DYM: variants seen among roughly 807,000 people sequenced by gnomAD.
DYM encodes the protein dyggve-Melchior-Clausen syndrome protein.
Under a neutral mutation model 93.1 loss-of-function variants are expected in DYM, and 78 were observed. That is an observed-to-expected ratio of 0.84 (90% CI 0.70 to 1.01). DYM has a LOEUF of 1.01. Among genes scored for constraint, DYM ranks in the 50% least tolerant of loss-of-function variants. The pLI, the probability that DYM is intolerant of heterozygous loss-of-function variation, is 0.00. For missense variants in DYM, 789 were observed against 845.0 expected, an observed-to-expected ratio of 0.93 and a Z score of 0.82; for synonymous variants, 321 against 319.7, an observed-to-expected ratio of 1.00 and a Z score of -0.04.
At chr18:49,058,617 T>C (rs2075701249) in intron 17 of DYM, among the ~76,000 whole-genome samples, 1 of 152,082 alleles carries the variant, frequency 6.6e-6, no homozygotes, top group African/African-American at 2.4e-5. Flanking sequence ...CTGACACAAA[T>C]TTACATATTT....
intron 14 of DYM, among the ~76,000 whole-genome samples, chr18:49,176,467 G>C (rs960243234): frequency 1.3e-5 from 2 of 151,440 alleles, no homozygotes; most frequent in African/African-American, 2.4e-5. Flanking sequence ...CTAGAGTACA[G>C]TGGTGCAATC....
At chr18:49,195,698 T>C (rs1046472600) in intron 14 of DYM, among the ~76,000 whole-genome samples, 1 of 152,180 alleles carries the variant, frequency 6.6e-6, no homozygotes, top group African/African-American at 2.4e-5. Context: ...AGCATGTTGA[T>C]ACTGCCTTGA....
At chr18:49,199,253 A>G (rs1195340000) in intron 14 of DYM, among the ~76,000 whole-genome samples, 1 of 152,246 alleles carries the variant, frequency 6.6e-6, no homozygotes, top group African/African-American at 2.4e-5. Flanking sequence ...AAGGAGGGAT[A>G]GCATTAGGAG....
intron 17 of DYM, among the ~76,000 whole-genome samples, chr18:49,070,509 C>T (rs1330751437): frequency 6.6e-6 from 1 of 152,198 alleles, no homozygotes; most frequent in African/African-American, 2.4e-5. Flanking sequence ...AAGGAAACCA[C>T]TGCAGCTCAA....
intron 8 of DYM, among the ~76,000 whole-genome samples, chr18:49,289,062 A>G (rs1368751573): frequency 2.6e-5 from 4 of 152,160 alleles, no homozygotes; most frequent in Admixed American, 2.0e-4. Flanking sequence ...AACAGAAGAG[A>G]AATTAGGTCA....
intron 6 of DYM, among the ~76,000 whole-genome samples, chr18:49,356,889 A>C (rs1163963092): frequency 6.6e-6 from 1 of 152,218 alleles, no homozygotes; most frequent in Admixed American, 6.5e-5. Flanking sequence ...TTCACACTCA[A>C]ATATTTCCAA....
chr18:49,409,080 T>G (rs1031295447), intron 2 of DYM, among the ~76,000 whole-genome samples: 1 of 151,476 alleles, frequency 6.6e-6, no homozygotes, highest in Non-Finnish European at 1.5e-5. Context: ...AGGTCAGGAG[T>G]TCAGGACCAG....
chr18:49,294,285 T>C (rs2060377273), intron 8 of DYM, among the ~76,000 whole-genome samples: 1 of 152,208 alleles, frequency 6.6e-6, no homozygotes, highest in South Asian at 2.1e-4. Flanking sequence ...CTCAGGATTG[T>C]CTTGGCTATA....
intron 1 of DYM, 72 bp from the exon 2 acceptor site, chr18:49,430,519 T>C (rs2074713873): frequency 1.8e-6 from 2 of 1,138,856 alleles, no homozygotes; most frequent in Non-Finnish European, 2.5e-6. Context: ...ATAAAAAAAC[T>C]ATAAACTTAC....
At chr18:49,250,825 A>C (rs1382740604) in intron 13 of DYM, among the ~76,000 whole-genome samples, 1 of 152,268 alleles carries the variant, frequency 6.6e-6, no homozygotes, top group Admixed American at 6.5e-5. Context: ...TGAAAGAGCA[A>C]GGAACTGTAA....
rs1187128427 is a variant in DYM, at chr18:49,203,296, G to A, written c.1625+6255C>T. ...AGGTGAGGGGCGCCTCTGCCCGGCC[G>A]CCCCTACTGGGAAGTGAGGAGCCCC... is the stretch of plus-strand genomic sequence containing the variant. On this transcript the variant is annotated intron_variant, in intron 14 of 17. Transcript: ENST00000675505. Among the ~76,000 whole-genome samples the A allele has an allele frequency of 6.7e-5, 4 of 59,872 alleles. 1 individual carries two copies. Among genetic ancestry groups the A allele is most frequent in the African/African-American group, 1.9e-4 (4 of 20,876 alleles). 39.3% of individuals were successfully genotyped at this position (59,872 alleles called of 152,430 possible). A position where few individuals can be genotyped will look rare whatever the true frequency, so the allele number is the denominator to read the frequency against.
intron 14 of DYM, among the ~76,000 whole-genome samples, chr18:49,172,746 AAC>A (rs1262603295): frequency 6.6e-6 from 1 of 152,106 alleles, no homozygotes; most frequent in Non-Finnish European, 1.5e-5. Flanking sequence ...TTCTTCAAAA[AAC>A]AGTGTCTTTT....
intron 14 of DYM, among the ~76,000 whole-genome samples, chr18:49,196,275 A>C (rs969583336): frequency 1.3e-5 from 2 of 152,118 alleles, no homozygotes; most frequent in Non-Finnish European, 1.5e-5. Context: ...ACAGGATCAC[A>C]CTTTACTGCT....
intron 11 of DYM, among the ~76,000 whole-genome samples, chr18:49,258,827 CACACACACACACAGAG>C (rs2094438953): frequency 1.4e-5 from 1 of 72,090 alleles, no homozygotes; most frequent in Non-Finnish European, 3.1e-5. Flanking sequence ...CACACAGAGA[CACACACACACACAGAG>C]AGAGAGAGAG....
intron 1 of DYM, among the ~76,000 whole-genome samples, chr18:49,439,641 T>C (rs2081151824): frequency 6.6e-6 from 1 of 152,300 alleles, no homozygotes; most frequent in South Asian, 2.1e-4. Context: ...GACTAAATTC[T>C]GAGTACAATA....
At chr18:49,227,112 G>A (rs183579336) in intron 13 of DYM, among the ~76,000 whole-genome samples, 2 of 152,034 alleles carry the variant, frequency 1.3e-5, no homozygotes, top group African/African-American at 4.8e-5. Context: ...AAATAAACAG[G>A]TATAAAATAG....
chr18:49,070,744 G>A (rs956210520), intron 17 of DYM, among the ~76,000 whole-genome samples: 2 of 152,134 alleles, frequency 1.3e-5, no homozygotes, highest in Non-Finnish European at 2.9e-5. Flanking sequence ...AATACTAGTT[G>A]AACAAATAAA....
intron 16 of DYM, among the ~76,000 whole-genome samples, chr18:49,112,933 C>T (rs1349753695): frequency 6.6e-6 from 1 of 152,154 alleles, no homozygotes; most frequent in Non-Finnish European, 1.5e-5. Context: ...TGATTACATT[C>T]TTTAAATCTG....
At chr18:49,266,960 A>G (rs12458371) in intron 11 of DYM, among the ~76,000 whole-genome samples, 12,173 of 151,976 alleles carry the variant, frequency 0.08, 765 homozygotes, top group East Asian at 0.31. Context: ...AACGTTGGGG[A>G]AAAAAAAGGC....
Sources: allele counts gnomAD v4.1 joint callset (sites outside exome capture counted in the v4.1 genomes callset), GRCh38; gene constraint gnomAD v4.1.1; transcripts MANE v1.5; gene names NCBI Gene and HGNC (gene_info 2026-07-23, HGNC 2026-07-21).